Variants in SAMD12 observed in about 807,000 individuals in gnomAD.
SAMD12 encodes sterile alpha motif domain containing 12.
In SAMD12, 9 loss-of-function variants were observed where a neutral mutation model predicts 15.0. That is an observed-to-expected ratio of 0.60 (90% confidence interval 0.36 to 1.05). SAMD12 has a LOEUF of 1.05. Ranked by LOEUF, SAMD12 falls within the 50% of genes least tolerant of loss-of-function variation. SAMD12 has a pLI of 0.01. For missense variants in SAMD12, 230 were observed against 234.2 expected (o/e 0.98, Z 0.12); for synonymous variants, 86 against 90.1 (o/e 0.96, Z 0.25).
At chr8:118,396,843 T>C (rs1001303039) in intron 3 of SAMD12, among the ~76,000 whole-genome samples, 12 of 152,178 alleles carry the variant, frequency 7.9e-5, no homozygotes, top group Admixed American at 6.5e-5. Flanking sequence ...TTTATGGTGG[T>C]TTCTACTAGA....
rs1189778924 is a variant in SAMD12, at chr8:118,439,744, A to G, written c.322+88T>C. On this transcript the variant is annotated intron_variant, in intron 3 of 3. Coordinates refer to ENST00000314727, the MANE Select transcript of SAMD12 (RefSeq NM_207506.3). ...CATGCCAGAAAATTTCAGCAGGAAG[A>G]TGTTGTTTCATGGTAAGGGTATGGG... The G allele has an allele frequency of 5.3e-6, 7 of 1,313,484 alleles. No homozygotes were observed. The African/African-American group carries it at 7.3e-5, about 14-fold the overall frequency. 81.4% of individuals were successfully genotyped at this position (1,313,484 alleles called of 1,614,324 possible). A position where few individuals can be genotyped will look rare whatever the true frequency, so the allele number is the denominator to read the frequency against.
intron 2 of SAMD12, among the ~76,000 whole-genome samples, chr8:118,508,883 T>C (rs1451346130): frequency 3.9e-5 from 6 of 152,144 alleles, no homozygotes; most frequent in Non-Finnish European, 2.9e-5. Flanking sequence ...ACACTAAAAA[T>C]GGAACTTTAA....
chr8:118,580,691 G>T, intron 2 of SAMD12, 24 bp downstream of exon 2: 2 of 1,582,308 alleles, frequency 1.3e-6, no homozygotes, highest in Non-Finnish European at 1.7e-6. Context: ...TCAAATCTCC[G>T]TAATTAACTG....
intron 1 of SAMD12, among the ~76,000 whole-genome samples, chr8:118,601,165 T>C (rs1586848809): frequency 1.3e-5 from 2 of 152,308 alleles, no homozygotes; most frequent in Admixed American, 6.5e-5. Context: ...TTTTTTTTTA[T>C]TTTCCAATGG....
intron 2 of SAMD12, among the ~76,000 whole-genome samples, chr8:118,510,901 T>C (rs973871043): frequency 6.6e-6 from 1 of 152,238 alleles, no homozygotes; most frequent in African/African-American, 2.4e-5. Context: ...GTGAATGTGG[T>C]TACTTTACTA....
At chr8:118,325,666 C>T (rs556410830) in intron 4 of SAMD12, among the ~76,000 whole-genome samples, 96 of 152,264 alleles carry the variant, frequency 6.3e-4, no homozygotes, top group African/African-American at 2.2e-3. Context: ...TGCATTTGGT[C>T]TCCAGATCTT....
intron 4 of SAMD12, among the ~76,000 whole-genome samples, chr8:118,206,229 A>G (rs1001066131): frequency 1.3e-5 from 2 of 152,244 alleles, no homozygotes; most frequent in African/African-American, 4.8e-5. Flanking sequence ...GAGAATTCAC[A>G]CAAAAGCAGC....
chr8:118,216,374 T>G (rs1365080571), intron 4 of SAMD12, among the ~76,000 whole-genome samples: 2 of 151,744 alleles, frequency 1.3e-5, no homozygotes, highest in Admixed American at 6.6e-5. Context: ...CTTTGTCAGA[T>G]GAGTAGGTTG....
chr8:118,229,230 A>G (rs934075100), intron 4 of SAMD12, among the ~76,000 whole-genome samples: 1 of 152,134 alleles, frequency 6.6e-6, no homozygotes, highest in African/African-American at 2.4e-5. Context: ...AATCACCACC[A>G]AATAACTTAC....
At chr8:118,448,817 G>T (rs1169342327) in intron 2 of SAMD12, among the ~76,000 whole-genome samples, 1 of 152,152 alleles carries the variant, frequency 6.6e-6, no homozygotes, top group Non-Finnish European at 1.5e-5. Context: ...TAGCACTGTG[G>T]GCCTTGGGCT....
intron 4 of SAMD12, among the ~76,000 whole-genome samples, chr8:118,279,381 T>G (rs1364458585): frequency 6.6e-6 from 1 of 152,222 alleles, no homozygotes; most frequent in South Asian, 2.1e-4. Flanking sequence ...CACCTTCCCA[T>G]GCTTTTTACT....
At chr8:118,550,467 C>A (rs900880278) in intron 2 of SAMD12, among the ~76,000 whole-genome samples, 1 of 152,150 alleles carries the variant, frequency 6.6e-6, no homozygotes, top group African/African-American at 2.4e-5. Flanking sequence ...ACTTTACAGA[C>A]AAGCAAATGC....
At chr8:118,173,816 G>C in the SAMD12 span, among the ~76,000 whole-genome samples, 1 of 151,782 alleles carries the variant, frequency 6.6e-6, no homozygotes, top group East Asian at 1.9e-4. Flanking sequence ...TTTTAGTAGA[G>C]ACGGGGTTTC....
intron 4 of SAMD12, among the ~76,000 whole-genome samples, chr8:118,227,410 TTGAG>T (rs1291519955): frequency 6.6e-6 from 1 of 152,060 alleles, no homozygotes; most frequent in African/African-American, 2.4e-5. Flanking sequence ...AAAATAACTA[TTGAG>T]TACTAGGCTT....
chr8:118,469,436 C>A (rs1251329339), intron 2 of SAMD12, among the ~76,000 whole-genome samples: 1 of 119,034 alleles, frequency 8.4e-6, no homozygotes, highest in Non-Finnish European at 1.7e-5. Context: ...ACCTTCCTAT[C>A]TAGGGATCTA....
intron 1 of SAMD12, among the ~76,000 whole-genome samples, chr8:118,587,784 GT>G (rs1227422945): frequency 1.3e-5 from 2 of 152,220 alleles, no homozygotes; most frequent in African/African-American, 2.4e-5. Flanking sequence ...GGACTTGAGA[GT>G]CTGTGAGAAA....
At chr8:118,487,822 A>G (rs535529313) in intron 2 of SAMD12, among the ~76,000 whole-genome samples, 32 of 152,200 alleles carry the variant, frequency 2.1e-4, no homozygotes, top group Non-Finnish European at 2.6e-4. Context: ...CTCGATCACA[A>G]TATGGTCCAG....
At chr8:118,335,105 GCA>G (rs1816995293) in intron 4 of SAMD12, among the ~76,000 whole-genome samples, 1 of 152,118 alleles carries the variant, frequency 6.6e-6, no homozygotes, top group Non-Finnish European at 1.5e-5. Context: ...GCATCACACT[GCA>G]GTTGTGGGTC....
chr8:118,187,878 T>C (rs934099097), downstream of SAMD12, among the ~76,000 whole-genome samples: 5 of 152,170 alleles, frequency 3.3e-5, no homozygotes, highest in African/African-American at 1.2e-4. Context: ...AGAAAAAACA[T>C]GGCACCAAGT....
Sources: allele counts gnomAD v4.1 joint callset (sites outside exome capture counted in the v4.1 genomes callset), GRCh38; gene constraint gnomAD v4.1.1; transcripts MANE v1.5; gene names NCBI Gene and HGNC (gene_info 2026-07-23, HGNC 2026-07-21).